ZBBX: variants seen among roughly 807,000 people sequenced by gnomAD.
ZBBX encodes zinc finger B-box domain containing.
A neutral mutation model predicts 108.5 loss-of-function variants in ZBBX; 101 were observed. The ratio of observed to expected loss-of-function variants is 0.93; its 90% CI spans 0.79 to 1.10. The LOEUF is 1.10. ZBBX is among the 50% of genes least tolerant of loss of function. The pLI is 0.00. For synonymous variants in ZBBX, 356 were observed against 323.4 expected, an observed-to-expected ratio of 1.10 and a Z score of -1.08; for missense variants, 1,009 against 941.4, an observed-to-expected ratio of 1.07 and a Z score of -0.94.
intron 20 of ZBBX, among the ~76,000 whole-genome samples, chr3:167,276,583 A>G (rs892917877): frequency 2.0e-4 from 30 of 152,302 alleles, no homozygotes; most frequent in African/African-American, 7.0e-4. Context: ...TCCAAGAAAT[A>G]TGGGACTATG....
At chr3:167,192,512 A>G in the ZBBX span, among the ~76,000 whole-genome samples, 1 of 152,088 alleles carries the variant, frequency 6.6e-6, no homozygotes, top group Non-Finnish European at 1.5e-5. Context: ...GCTTCTTTAT[A>G]TGTTATTTGC....
At chr3:167,250,642 T>C (rs564593212) in intron 20 of ZBBX, among the ~76,000 whole-genome samples, 1 of 152,210 alleles carries the variant, frequency 6.6e-6, no homozygotes, top group Admixed American at 6.5e-5. Context: ...GCTAGGAGTC[T>C]GACTGCCATT....
At chr3:167,342,026 A>G (rs1385924026) in intron 9 of ZBBX, among the ~76,000 whole-genome samples, 1 of 151,882 alleles carries the variant, frequency 6.6e-6, no homozygotes, top group Non-Finnish European at 1.5e-5. Context: ...CATTTGAGCT[A>G]CATAAGGAAG....
In ZBBX at chr3:167,364,706, T is replaced by C. The variant is rs192915304; in HGVS notation, c.273+1180A>G. Among the ~76,000 whole-genome samples the C allele has an allele frequency of 2.0e-5, 3 of 152,134 alleles. No homozygotes were observed. In the East Asian group the frequency reaches 5.8e-4, roughly 29 times the overall value. On this transcript the variant is annotated intron_variant, in intron 6 of 21. Transcript: ENST00000675490. ...AAACTTATTGAGCTTATTGAGTGAATATTAAAGTTCTCTTTGCCAATATAG... is the reference window on the plus strand; with the variant it reads ...AAACTTATTGAGCTTATTGAGTGAACATTAAAGTTCTCTTTGCCAATATAG...
chr3:167,210,864 C>A, the ZBBX span, among the ~76,000 whole-genome samples: 14 of 152,016 alleles, frequency 9.2e-5, no homozygotes, highest in African/African-American at 2.7e-4. Context: ...CCCACTCAAA[C>A]AAAAGCTGAC....
chr3:167,327,536 T>C (rs1330488621), intron 11 of ZBBX, among the ~76,000 whole-genome samples: 1 of 152,188 alleles, frequency 6.6e-6, no homozygotes, highest in Non-Finnish European at 1.5e-5. Flanking sequence ...TCCCAGTGTT[T>C]ATAGATTTTG....
chr3:167,335,239 G>A lies in ZBBX; in HGVS notation c.529-1254C>T, dbSNP rs193135525. Among the ~76,000 whole-genome samples the A allele has an allele frequency of 3.9e-4, 59 of 151,822 alleles. No homozygotes were observed. In the East Asian group the frequency reaches 9.1e-3, roughly 23 times the overall value. On this transcript the variant is annotated intron_variant, in intron 9 of 21. Coordinates refer to ENST00000675490, the MANE Select transcript of ZBBX (RefSeq NM_001199201.2). ...TACAGTTTCTGGAAAAATAGCATACGGTAAAAATAAGGTGTCAGGGAAGGA... is the reference window on the plus strand; with the variant it reads ...TACAGTTTCTGGAAAAATAGCATACAGTAAAAATAAGGTGTCAGGGAAGGA...
intron 1 of ZBBX, among the ~76,000 whole-genome samples, chr3:167,402,023 G>A: frequency 6.6e-6 from 1 of 152,130 alleles, no homozygotes; most frequent in South Asian, 2.1e-4. Flanking sequence ...GCAGAAGAAT[G>A]GTCAAGACCC....
At chr3:167,266,285 G>C (rs1175674769) in intron 20 of ZBBX, among the ~76,000 whole-genome samples, 2 of 152,040 alleles carry the variant, frequency 1.3e-5, no homozygotes, top group African/African-American at 4.8e-5. Flanking sequence ...TCTACAAAAG[G>C]GTAATTTCGT....
At chr3:167,375,366 C>A (rs1404985948) in intron 2 of ZBBX, among the ~76,000 whole-genome samples, 1 of 151,998 alleles carries the variant, frequency 6.6e-6, no homozygotes, top group Non-Finnish European at 1.5e-5. Flanking sequence ...CCAAGGTGGG[C>A]AGATGACTTG....
chr3:167,347,615 C>A (rs1489431150), intron 9 of ZBBX, among the ~76,000 whole-genome samples: 1 of 151,984 alleles, frequency 6.6e-6, no homozygotes, highest in African/African-American at 2.4e-5. Context: ...AAAAAGCTGT[C>A]TCCTTCAAAG....
At chr3:167,361,177 A>G (rs1159810100) in intron 6 of ZBBX, among the ~76,000 whole-genome samples, 1 of 152,082 alleles carries the variant, frequency 6.6e-6, no homozygotes, top group African/African-American at 2.4e-5. Flanking sequence ...TATTTGCCCA[A>G]TTTAGAGAAC....
downstream of ZBBX, among the ~76,000 whole-genome samples, chr3:167,235,382 GT>G (rs1473930931): frequency 6.6e-6 from 1 of 151,490 alleles, no homozygotes; most frequent in African/African-American, 2.4e-5. Flanking sequence ...TTATATAACA[GT>G]TTAAAAGACT....
chr3:167,213,874 T>C, the ZBBX span, among the ~76,000 whole-genome samples: 10 of 152,110 alleles, frequency 6.6e-5, no homozygotes, highest in Non-Finnish European at 1.3e-4. Flanking sequence ...TGAGGGTCTA[T>C]AATCAATATT....
intron 9 of ZBBX, among the ~76,000 whole-genome samples, chr3:167,347,077 A>G (rs980141278): frequency 2.6e-5 from 4 of 151,892 alleles, no homozygotes; most frequent in African/African-American, 9.7e-5. Flanking sequence ...TCTATTTCTT[A>G]TAATAAAGGT....
chr3:167,206,224 A>T, the ZBBX span, among the ~76,000 whole-genome samples: 1 of 152,050 alleles, frequency 6.6e-6, no homozygotes, highest in East Asian at 1.9e-4. Flanking sequence ...CATAAGTTAG[A>T]TCATATAGTA....
chr3:167,375,319 C>A (rs185778650), intron 2 of ZBBX, among the ~76,000 whole-genome samples: 141 of 152,182 alleles, frequency 9.3e-4, no homozygotes, highest in Non-Finnish European at 1.7e-3. Context: ...TGGCTGGACG[C>A]GGTGGCTGAC....
At chr3:167,240,993 T>C in intron 21 of ZBBX, 74 bp from the exon 22 acceptor site, 1 of 1,539,378 alleles carries the variant, frequency 6.5e-7, no homozygotes, top group Non-Finnish European at 8.8e-7. Context: ...TTCTGATCAA[T>C]ACTACATATG....
intron 11 of ZBBX, among the ~76,000 whole-genome samples, 173 bp from the exon 12 acceptor site, chr3:167,322,410 AT>A (rs536713544): frequency 4.7e-4 from 71 of 152,166 alleles, no homozygotes; most frequent in African/African-American, 1.5e-3. Context: ...TTGGTAATTT[AT>A]TAAGGGACTG....
Sources: allele counts gnomAD v4.1 joint callset (sites outside exome capture counted in the v4.1 genomes callset), GRCh38; gene constraint gnomAD v4.1.1; transcripts MANE v1.5; gene names NCBI Gene and HGNC (gene_info 2026-07-23, HGNC 2026-07-21).